The following ZBED6 variants were observed in gnomAD, a reference collection of about 807,000 sequenced individuals.
ZBED6 encodes zinc finger BED-type containing 6.
In ZBED6, 40 loss-of-function variants were observed where a neutral mutation model predicts 58.4. The ratio of observed to expected loss-of-function variants is 0.68; its 90% CI spans 0.53 to 0.89. The LOEUF (loss-of-function observed/expected upper bound fraction) is 0.89. Among genes scored for constraint, ZBED6 ranks in the 40% least tolerant of loss-of-function variants. The pLI is 0.00. For missense variants in ZBED6, 1,057 were observed against 1,003.9 expected (o/e 1.05, Z -0.71); for synonymous variants, 439 against 350.6 (o/e 1.25, Z -2.82).
intron 1 of ZBED6, chr1:203,806,185 C>G (rs1672275779): frequency 2.1e-6 from 1 of 470,586 alleles, no homozygotes; most frequent in African/African-American, 2.0e-5. Flanking sequence ...GGATTCTGCC[C>G]TGCTGTCCAC....
Position 203,798,102 on chromosome 1 carries a change from A to G in ZBED6, c.580A>G (p.Ser194Gly), listed in dbSNP as rs539104133. The G allele has an allele frequency of 3.3e-4, 505 of 1,536,118 alleles. 2 individuals are homozygous for G. In the African/African-American group the frequency reaches 6.2e-3, roughly 19 times the overall value. The change falls in exon 1 of 17, where the codon AGT becomes GGT. Residue 194 changes from serine (S) to glycine (G), a missense_variant. Coordinates refer to ENST00000550078, the Ensembl canonical transcript of ZBED6. Reference sequence around the variant, plus strand: ...CAGGGCCAACAAGTTTGGAGTTGCTAGTGGAGAGGAGGACTTTACCTTGGA... The same window carrying G: ...CAGGGCCAACAAGTTTGGAGTTGCTGGTGGAGAGGAGGACTTTACCTTGGA...
chr1:203,840,133 T>G lies in ZBED6; in HGVS notation c.*3673-173T>G, dbSNP rs563605318. On this transcript the variant is annotated intron_variant, in intron 10 of 16. Transcript: ENST00000550078. Reference sequence around the variant, plus strand: ...TTTGCAATTTTAGTAGAGATGGGGTTTCACCATGTTGGCCAGGCTGGCCTT... The same window carrying G: ...TTTGCAATTTTAGTAGAGATGGGGTGTCACCATGTTGGCCAGGCTGGCCTT... Among the ~76,000 whole-genome samples the G allele has an allele frequency of 3.9e-5, 6 of 152,056 alleles. No homozygotes were observed. In the East Asian group the frequency reaches 1.2e-3, roughly 29 times the overall value.
At chr1:203,805,136 A>G (rs1671861558) in intron 1 of ZBED6, among the ~76,000 whole-genome samples, 1 of 131,826 alleles carries the variant, frequency 7.6e-6, no homozygotes. Flanking sequence ...CTTCTGATAC[A>G]GTAGTGATTT....
exon 16 of ZBED6, chr1:203,851,123 A>G: frequency 6.2e-7 from 1 of 1,614,130 alleles, no homozygotes; most frequent in East Asian, 2.2e-5. Context: ...TCCTAGAGAC[A>G]GGTAATACTT....
chr1:203,830,214 A>G lies in ZBED6; in HGVS notation c.*3399+11A>G, dbSNP rs1280295674. On this transcript the variant is annotated intron_variant, in intron 7 of 16. Transcript: ENST00000550078. ...CTAAGAAGCAAGGTGGTAAGTCATCACGTTTTGGCATGGATAGTTGTATGT... is the reference window on the plus strand; with the variant it reads ...CTAAGAAGCAAGGTGGTAAGTCATCGCGTTTTGGCATGGATAGTTGTATGT... 5.7e-6 allele frequency: 9 copies of G among 1,587,050 alleles called. No individual in the cohort carries two copies. Among genetic ancestry groups the G allele is most frequent in the Non-Finnish European group, 7.7e-6 (9 of 1,169,170 alleles).
rs531973366 is a variant in ZBED6 at position 203,850,477 on chromosome 1, AT to A, written c.*4639-36del. The stretch of plus-strand genomic sequence containing the variant: ...AATTATTCCCCATTTAAAAGAGTCT[AT>A]TCTCACTGCTTATCAGATATTTTCT... On this transcript the variant is annotated intron_variant, in intron 14 of 16. Transcript: ENST00000550078. 24 of 1,612,018 alleles carry A rather than the reference AT, an allele frequency of 1.5e-5. No individual in the cohort carries two copies. In the South Asian group the frequency reaches 2.2e-4, roughly 15 times the overall value.
exon 1 of ZBED6, chr1:203,798,308 T>C (rs1207196030): frequency 6.5e-7 from 1 of 1,536,166 alleles, no homozygotes; most frequent in Admixed American, 2.0e-5. Flanking sequence ...TTCCTGGAAC[T>C]AGAGCCAAGA....
exon 1 of ZBED6, chr1:203,799,300 A>G (rs1558088238): frequency 8.4e-6 from 6 of 718,228 alleles, no homozygotes; most frequent in Non-Finnish European, 1.3e-5. Context: ...ATGGTCATTC[A>G]GGACTTTTTC....
chr1:203,823,271 A>G (rs1679372406), intron 3 of ZBED6, among the ~76,000 whole-genome samples: 1 of 152,190 alleles, frequency 6.6e-6, no homozygotes, highest in Non-Finnish European at 1.5e-5. Context: ...AGGAATCTGG[A>G]AGAATCCGTG....
At chr1:203,836,177 G>A (rs750887809) in intron 9 of ZBED6, among the ~76,000 whole-genome samples, 17 of 152,278 alleles carry the variant, frequency 1.1e-4, no homozygotes, top group Non-Finnish European at 2.2e-4. Context: ...GAGTCCAGGA[G>A]TTTGAGTCCA....
intron 3 of ZBED6, among the ~76,000 whole-genome samples, chr1:203,819,596 A>G (rs1242635499): frequency 8.8e-6 from 1 of 113,194 alleles, no homozygotes; most frequent in African/African-American, 3.5e-5. Context: ...GTGTAATAGC[A>G]TGGGCTCAGC....
At chr1:203,836,236 TTC>T (rs1684282159) in intron 9 of ZBED6, among the ~76,000 whole-genome samples, 1 of 152,180 alleles carries the variant, frequency 6.6e-6, no homozygotes, top group South Asian at 2.1e-4. Context: ...TAATTAAAAG[TTC>T]TTAAAATATA....
chr1:203,850,932 C>T (rs756155533), intron 15 of ZBED6, 125 bp from the exon 16 acceptor site: 3 of 1,264,406 alleles, frequency 2.4e-6, no homozygotes, highest in Admixed American at 2.2e-5. Flanking sequence ...TTTAGATTAT[C>T]GATTCTTAGA....
At chr1:203,811,487 C>T (rs1345623567) in intron 1 of ZBED6, among the ~76,000 whole-genome samples, 1 of 152,080 alleles carries the variant, frequency 6.6e-6, no homozygotes, top group Non-Finnish European at 1.5e-5. Context: ...TGAGATTGAC[C>T]TCTAAGCCTT....
chr1:203,800,555 C>T, exon 1 of ZBED6: 3 of 1,199,574 alleles, frequency 2.5e-6, no homozygotes, highest in Non-Finnish European at 3.3e-6. Flanking sequence ...TCTTTATAAA[C>T]ACATCTGGGG....
chr1:203,834,044 C>T, intron 9 of ZBED6, 191 bp downstream of exon 9: 1 of 1,254,822 alleles, frequency 8.0e-7, no homozygotes, highest in Non-Finnish European at 1.0e-6. Flanking sequence ...TAAAGTGTTA[C>T]AATTGAACTA....
At chr1:203,839,832 C>T (rs6692250) in intron 10 of ZBED6, among the ~76,000 whole-genome samples, 16,774 of 151,806 alleles carry the variant, frequency 0.11, 1,159 homozygotes, top group Non-Finnish European at 0.14. Context: ...GAGACAGAGT[C>T]TCACTCTGTC....
intron 1 of ZBED6, among the ~76,000 whole-genome samples, chr1:203,811,217 C>A (rs767342015): frequency 6.6e-6 from 1 of 150,710 alleles, no homozygotes; most frequent in Non-Finnish European, 1.5e-5. Flanking sequence ...CTGAGGCAGG[C>A]GACTCACTTG....
intron 1 of ZBED6, among the ~76,000 whole-genome samples, chr1:203,814,212 C>A (rs1041089094): frequency 6.6e-5 from 10 of 152,162 alleles, no homozygotes; most frequent in Non-Finnish European, 1.5e-4. Flanking sequence ...ATTCTAAGTT[C>A]TCTGCCACTT....
Sources: allele counts gnomAD v4.1 joint callset (sites outside exome capture counted in the v4.1 genomes callset), GRCh38; gene constraint gnomAD v4.1.1; transcripts MANE v1.5; gene names NCBI Gene and HGNC (gene_info 2026-07-23, HGNC 2026-07-21).